Variants in MGAT4C observed in about 807,000 individuals in gnomAD.
The protein encoded by MGAT4C is alpha-1,3-mannosyl-glycoprotein 4-beta-N-acetylglucosaminyltransferase C.
A neutral mutation model predicts 40.1 loss-of-function variants in MGAT4C; 19 were observed. The ratio of observed to expected loss-of-function variants is 0.47; its 90% CI spans 0.33 to 0.70. The LOEUF is 0.70. Ranked by LOEUF, MGAT4C falls within the 30% of genes least tolerant of loss-of-function variation. The pLI is 0.02. For synonymous variants in MGAT4C, 181 were observed against 187.1 expected (o/e 0.97, Z 0.27); for missense variants, 491 against 563.2 (o/e 0.87, Z 1.30).
rs1056100918 is a variant in MGAT4C, at chr12:85,964,220, C to T, written c.*15069G>A. The T allele has an allele frequency of 2.6e-5, 4 of 152,044 alleles. No individual in the cohort carries two copies. Among genetic ancestry groups the T allele is most frequent in the African/African-American group, 9.7e-5 (4 of 41,420 alleles). The allele number at this position is 152,044 out of a possible 1,614,324, so 9.4% of individuals were successfully genotyped here. ...AAGAGATACTAAATGATATTCTTTT[C>T]ATCTGTGGTTACTGCTAAAAAATTC... On this transcript the variant is annotated 3_prime_UTR_variant, in exon 5 of 5. Transcript: ENST00000611864.
At chr12:86,251,521 A>G (rs547734741) in intron 1 of MGAT4C, among the ~76,000 whole-genome samples, 2 of 152,012 alleles carry the variant, frequency 1.3e-5, no homozygotes, top group Non-Finnish European at 2.9e-5. Flanking sequence ...GCTGAGAAAA[A>G]GTGTTTTCTA....
intron 3 of MGAT4C, among the ~76,000 whole-genome samples, chr12:86,359,671 T>G (rs1465060502): frequency 6.6e-6 from 1 of 152,066 alleles, no homozygotes; most frequent in Non-Finnish European, 1.5e-5. Flanking sequence ...CCCACAGAAA[T>G]ACAAACTACC....
In MGAT4C at chr12:86,255,554, T is replaced by A. The variant is rs535929820; in HGVS notation, c.-57+685A>T. ...AGGATTTAAATATTTTCTGGCTATG[T>A]AAAGACAGTATTTTATTATGCACCA... is the stretch of plus-strand genomic sequence containing the variant. On this transcript the variant is annotated intron_variant, in intron 1 of 4. Coordinates refer to ENST00000611864, the MANE Select transcript of MGAT4C (RefSeq NM_001351288.2). 3.4e-3 allele frequency among the ~76,000 whole-genome samples: 516 copies of A among 152,252 alleles called. 2 individuals carry two copies. Among genetic ancestry groups the A allele is most frequent in the African/African-American group, 0.012 (501 of 41,576 alleles).
chr12:86,066,484 G>A (rs1329145796), intron 1 of MGAT4C, among the ~76,000 whole-genome samples: 2 of 151,856 alleles, frequency 1.3e-5, no homozygotes, highest in Non-Finnish European at 2.9e-5. Context: ...TTAATAAATG[G>A]TGTTGGGAAA....
intron 1 of MGAT4C, among the ~76,000 whole-genome samples, chr12:86,138,172 C>T (rs914590779): frequency 3.3e-5 from 5 of 151,980 alleles, no homozygotes; most frequent in African/African-American, 1.2e-4. Context: ...CCTTGCTTTC[C>T]GCTACCAGCT....
intron 1 of MGAT4C, among the ~76,000 whole-genome samples, chr12:86,083,232 T>G (rs1044289744): frequency 6.6e-6 from 1 of 152,200 alleles, no homozygotes; most frequent in East Asian, 1.9e-4. Flanking sequence ...GGCATTGACT[T>G]ACTCTAGACA....
At position 86,012,560 on chromosome 12, in the gene MGAT4C, G is replaced by A. The variant is rs1196987955; in HGVS notation, c.-6-23008C>T. Among the ~76,000 whole-genome samples the A allele has an allele frequency of 2.0e-5, 3 of 151,704 alleles. No individual in the cohort carries two copies. In the East Asian group the frequency reaches 5.8e-4, roughly 29 times the overall value. ...GCTCGAGACCAGCCTGGCCAACATG[G>A]CAGAACCCCATCTCTACTAAAAATA... On this transcript the variant is annotated intron_variant, in intron 2 of 4. Transcript: ENST00000611864.
At chr12:86,031,894 T>C (rs1218391859) in intron 2 of MGAT4C, among the ~76,000 whole-genome samples, 1 of 151,816 alleles carries the variant, frequency 6.6e-6, no homozygotes, top group Admixed American at 6.6e-5. Flanking sequence ...TGATAGGTAG[T>C]TTTTTGATCC....
intron 2 of MGAT4C, among the ~76,000 whole-genome samples, chr12:86,021,096 T>C (rs1234498079): frequency 6.6e-6 from 1 of 152,158 alleles, no homozygotes; most frequent in East Asian, 1.9e-4. Flanking sequence ...CAACAGGTGC[T>C]GGAGAGGATG....
chr12:86,256,227 A>G lies in MGAT4C; in HGVS notation c.-57+12T>C, dbSNP rs1053514251. ...ATTTTAAAAGAGAAGGTAAAACAGA[A>G]GAAGCCCTTACCAGAGACAGAGAAA... is the stretch of plus-strand genomic sequence containing the variant. On this transcript the variant is annotated intron_variant, in intron 1 of 4. Transcript: ENST00000611864. 2 of 152,172 alleles carry G rather than the reference A, an allele frequency of 1.3e-5. No individual in the cohort carries two copies. Among genetic ancestry groups the G allele is most frequent in the Non-Finnish European group, 2.9e-5 (2 of 68,032 alleles). The allele number at this position is 152,172 out of a possible 1,614,324, so 9.4% of individuals were successfully genotyped here.
At chr12:86,483,783 C>T (rs1957972997) in intron 2 of MGAT4C, among the ~76,000 whole-genome samples, 1 of 147,942 alleles carries the variant, frequency 6.8e-6, no homozygotes, top group African/African-American at 2.5e-5. Context: ...CCATGCCTTT[C>T]CAGCCATTCT....
chr12:86,761,335 G>A (rs569303765), intron 1 of MGAT4C, among the ~76,000 whole-genome samples: 7 of 152,042 alleles, frequency 4.6e-5, no homozygotes, highest in Non-Finnish European at 8.8e-5. Context: ...GGTAGTTTGA[G>A]GCTAAATATT....
intron 3 of MGAT4C, among the ~76,000 whole-genome samples, chr12:86,365,104 C>T (rs1044676927): frequency 2.0e-5 from 3 of 152,210 alleles, no homozygotes; most frequent in East Asian, 1.9e-4. Flanking sequence ...AGACGGCCGC[C>T]CCCTGAAGTG....
chr12:86,139,747 G>A (rs1425267897), intron 1 of MGAT4C, among the ~76,000 whole-genome samples: 2 of 151,958 alleles, frequency 1.3e-5, no homozygotes, highest in Non-Finnish European at 1.5e-5. Context: ...ACGGTTCTTT[G>A]AGGATATGAC....
rs145803000 is a variant in MGAT4C at position 86,229,893 on chromosome 12, T to A, written c.-57+26346A>T. 8.5e-5 allele frequency among the ~76,000 whole-genome samples: 13 copies of A among 152,180 alleles called. No homozygotes were observed. In the East Asian group the frequency reaches 2.5e-3, roughly 29 times the overall value. ...TGGATATGTAGATGTCCTTTCAGTA[T>A]GAGCAACATGAAATAATGTCTTTAT... On this transcript the variant is annotated intron_variant, in intron 1 of 4. Transcript: ENST00000611864.
At chr12:86,386,134 G>A (rs1285865678) in intron 3 of MGAT4C, among the ~76,000 whole-genome samples, 1 of 152,046 alleles carries the variant, frequency 6.6e-6, no homozygotes, top group Non-Finnish European at 1.5e-5. Context: ...GTTTCACTGT[G>A]TTAGCCAGGA....
intron 1 of MGAT4C, among the ~76,000 whole-genome samples, chr12:86,165,062 T>C (rs1886037672): frequency 6.6e-6 from 1 of 152,072 alleles, no homozygotes; most frequent in South Asian, 2.1e-4. Context: ...GATAATTTGG[T>C]AGATAGGAAC....
At chr12:86,791,041 A>T (rs1381990559) in intron 1 of MGAT4C, among the ~76,000 whole-genome samples, 1 of 152,126 alleles carries the variant, frequency 6.6e-6, no homozygotes, top group Admixed American at 6.6e-5. Flanking sequence ...CCCAACTCTA[A>T]ACATAGATAA....
At chr12:86,254,090 A>T (rs1216930503) in intron 1 of MGAT4C, among the ~76,000 whole-genome samples, 1 of 151,968 alleles carries the variant, frequency 6.6e-6, no homozygotes, top group Admixed American at 6.6e-5. Flanking sequence ...AAAAGGAGGC[A>T]GAGAATAGGG....
Sources: allele counts gnomAD v4.1 joint callset (sites outside exome capture counted in the v4.1 genomes callset), GRCh38; gene constraint gnomAD v4.1.1; transcripts MANE v1.5; gene names NCBI Gene and HGNC (gene_info 2026-07-23, HGNC 2026-07-21).